NR1H4: variants seen among roughly 807,000 people sequenced by gnomAD.
The protein encoded by NR1H4 is bile acid receptor.
Under a neutral mutation model 58.5 loss-of-function variants are expected in NR1H4, and 23 were observed. The observed-to-expected ratio is 0.39, with a 90% CI of 0.28 to 0.56. The LOEUF is 0.56. Ranked by LOEUF, NR1H4 falls within the 20% of genes least tolerant of loss-of-function variation. The pLI, the probability that NR1H4 is intolerant of heterozygous loss-of-function variation, is 0.58. For synonymous variants in NR1H4, 214 were observed against 198.0 expected, an observed-to-expected ratio of 1.08 and a Z score of -0.68; for missense variants, 487 against 576.9, an observed-to-expected ratio of 0.84 and a Z score of 1.60.
At chr12:100,498,602 C>A (rs965712866) in intron 3 of NR1H4, among the ~76,000 whole-genome samples, 1 of 151,750 alleles carries the variant, frequency 6.6e-6, no homozygotes, top group Non-Finnish European at 1.5e-5. Flanking sequence ...ACAGAGTGAG[C>A]CTCAGTCTCC....
At position 100,532,609 on chromosome 12, in the gene NR1H4, A is replaced by G. The variant is rs1413564522; in HGVS notation, c.597A>G (p.Thr199=). Residue 199 remains threonine (T), a splice_region_variant and synonymous_variant, in exon 5 of 11, where the codon ACA becomes ACG. Transcript: ENST00000392986. ...GAATGTTGGCTGAATGTATGTATACAGGTATTCACTTCAAGCAATTACATT... is the reference window on the plus strand; with the variant it reads ...GAATGTTGGCTGAATGTATGTATACGGGTATTCACTTCAAGCAATTACATT... ...EMGMLAECMY[T]GLLTEIQCKS... 1.2e-6 allele frequency: 2 copies of G among 1,613,918 alleles called. No homozygotes were observed. The highest frequency in any genetic ancestry group is 1.7e-6 in the Non-Finnish European group (2 of 1,179,816).
At chr12:100,514,848 A>G (rs1329551816) in intron 4 of NR1H4, among the ~76,000 whole-genome samples, 3 of 152,164 alleles carry the variant, frequency 2.0e-5, no homozygotes, top group Non-Finnish European at 4.4e-5. Context: ...ATCATCTTTT[A>G]TACACTGAAA....
At position 100,532,509 on chromosome 12, in the gene NR1H4, G is replaced by C. The variant is rs2136227919; in HGVS notation, c.497G>C (p.Gly166Ala). 6.2e-7 allele frequency: 1 copy of C among 1,614,154 alleles called. No homozygotes were observed. The highest frequency in any genetic ancestry group is 2.2e-5 in the East Asian group (1 of 44,888). ...AACGCTGTGTACAAGTGTAAAAACG[G>C]GGGCAACTGTGTGATGGATATGTAC... is the stretch of plus-strand genomic sequence containing the variant. ...TKNAVYKCKN[G>A]GNCVMDMYMR... The change falls in exon 5 of 11, where the codon GGG becomes GCG. Residue 166 changes from glycine (G) to alanine (A), a missense_variant. Coordinates refer to ENST00000392986, the MANE Select transcript of NR1H4 (RefSeq NM_001206979.2).
In NR1H4 at chr12:100,563,239, A is replaced by T; in HGVS notation, c.1193-12A>T. 6.3e-7 allele frequency: 1 copy of T among 1,590,944 alleles called. No homozygotes were observed. The stretch of plus-strand genomic sequence containing the variant: ...TTTTAATTTTGTCATTTTATTTTAA[A>T]CTTCAAAACAGATAGACAATACATA... On this transcript the variant is annotated splice_polypyrimidine_tract_variant and intron_variant, in intron 10 of 10. Coordinates refer to ENST00000392986, the MANE Select transcript of NR1H4 (RefSeq NM_001206979.2).
At chr12:100,539,403 A>G (rs1163435740) in intron 8 of NR1H4, among the ~76,000 whole-genome samples, 6 of 152,284 alleles carry the variant, frequency 3.9e-5, no homozygotes, top group African/African-American at 1.2e-4. Flanking sequence ...GGCACTGTCC[A>G]AGGTGCTGGA....
intron 4 of NR1H4, among the ~76,000 whole-genome samples, chr12:100,524,863 G>A (rs1165506095): frequency 6.6e-6 from 1 of 152,080 alleles, no homozygotes; most frequent in Non-Finnish European, 1.5e-5. Context: ...AAAAAGAAGG[G>A]GCTGGTGGGA....
At chr12:100,488,190 G>A (rs575643394) in intron 1 of NR1H4, among the ~76,000 whole-genome samples, 1 of 151,860 alleles carries the variant, frequency 6.6e-6, no homozygotes, top group East Asian at 2.0e-4. Context: ...TATTAGAGAT[G>A]AGATTCCTCA....
intron 4 of NR1H4, among the ~76,000 whole-genome samples, chr12:100,517,072 A>G (rs764705178): frequency 1.3e-5 from 2 of 152,222 alleles, no homozygotes; most frequent in Admixed American, 6.5e-5. Flanking sequence ...ATTTTGAAAT[A>G]CACAGTACAT....
At chr12:100,491,784 C>T (rs994845156) in intron 1 of NR1H4, among the ~76,000 whole-genome samples, 2 of 151,988 alleles carry the variant, frequency 1.3e-5, no homozygotes, top group African/African-American at 2.4e-5. Flanking sequence ...GACTCTCCCT[C>T]ATTCTTGCTT....
intron 9 of NR1H4, among the ~76,000 whole-genome samples, chr12:100,552,919 A>AT (rs61295000): frequency 0.13 from 20,131 of 150,700 alleles, 1,797 homozygotes; most frequent in East Asian, 0.44. Flanking sequence ...AGATTCTGTC[A>AT]TAAAAAAAAA....
intron 1 of NR1H4, among the ~76,000 whole-genome samples, chr12:100,487,095 T>TG (rs1426411124): frequency 6.6e-6 from 1 of 152,158 alleles, no homozygotes; most frequent in African/African-American, 2.4e-5. Context: ...GTTTTTTAAA[T>TG]TACTGCTAAT....
intron 1 of NR1H4, among the ~76,000 whole-genome samples, chr12:100,487,816 T>A (rs1953526928): frequency 6.6e-6 from 1 of 151,896 alleles, no homozygotes; most frequent in Non-Finnish European, 1.5e-5. Flanking sequence ...TTCACCATGT[T>A]GACCAGGCTG....
intron 4 of NR1H4, among the ~76,000 whole-genome samples, chr12:100,529,037 T>C (rs1484388817): frequency 6.6e-6 from 1 of 152,200 alleles, no homozygotes; most frequent in Admixed American, 6.5e-5. Context: ...TTAAAATGCA[T>C]GCTTTGGTAT....
chr12:100,560,179 T>C (rs1955433566), intron 9 of NR1H4, among the ~76,000 whole-genome samples: 1 of 152,174 alleles, frequency 6.6e-6, no homozygotes. Context: ...TCAGGGATTG[T>C]AAATGTACCA....
At chr12:100,519,699 G>A (rs762471607) in intron 4 of NR1H4, among the ~76,000 whole-genome samples, 3 of 152,190 alleles carry the variant, frequency 2.0e-5, no homozygotes, top group African/African-American at 7.2e-5. Context: ...AAGAATCCTC[G>A]TCTTCCAGGA....
rs749143699 is a variant in NR1H4, at chr12:100,503,434, C to T, written c.80-7344C>T. 3.1e-6 allele frequency: 5 copies of T among 1,597,598 alleles called. No homozygotes were observed. The African/African-American group carries it at 5.3e-5, about 17-fold the overall frequency. On this transcript the variant is annotated intron_variant, in intron 3 of 10. Coordinates refer to ENST00000392986, the MANE Select transcript of NR1H4 (RefSeq NM_001206979.2). The stretch of plus-strand genomic sequence containing the variant: ...TTAGAAAATCCAATTCAAATTAGTC[C>T]TCACTGCAGCTGTACGCCGTCAGGA...
At chr12:100,551,281 C>G (rs921083474) in intron 9 of NR1H4, among the ~76,000 whole-genome samples, 1 of 152,092 alleles carries the variant, frequency 6.6e-6, no homozygotes, top group Non-Finnish European at 1.5e-5. Flanking sequence ...AGTTGTAGCC[C>G]TTAATAGTAC....
At chr12:100,498,715 T>A (rs1953768792) in intron 3 of NR1H4, among the ~76,000 whole-genome samples, 1 of 152,180 alleles carries the variant, frequency 6.6e-6, no homozygotes, top group South Asian at 2.1e-4. Flanking sequence ...ATTATTACAT[T>A]GCTAACAACA....
intron 4 of NR1H4, among the ~76,000 whole-genome samples, chr12:100,514,469 T>C (rs1954212054): frequency 6.6e-6 from 1 of 152,176 alleles, no homozygotes; most frequent in African/African-American, 2.4e-5. Context: ...CATTTTAGGC[T>C]GAAAAACTCT....
Sources: gnomAD v4.1 joint callset for allele counts (sites outside exome capture counted in the v4.1 genomes callset) on GRCh38, gnomAD v4.1.1 for gene constraint, MANE v1.5 for transcripts, NCBI Gene and HGNC (gene_info 2026-07-23, HGNC 2026-07-21) for gene names.